The following INPP4B variants were observed in gnomAD, a reference collection of about 807,000 sequenced individuals.
INPP4B encodes inositol polyphosphate-4-phosphatase type II B, also known as inositol polyphosphate 4-phosphatase type II.
A neutral mutation model predicts 122.5 loss-of-function variants in INPP4B; 55 were observed. The ratio of observed to expected loss-of-function variants is 0.45; its 90% CI spans 0.36 to 0.56. INPP4B has a LOEUF of 0.56. Ranked by LOEUF, INPP4B falls within the 20% of genes least tolerant of loss-of-function variation. The pLI is 0.00. For synonymous variants in INPP4B, 403 were observed against 388.7 expected (o/e 1.04, Z -0.43); for missense variants, 1,000 against 1,097.7 (o/e 0.91, Z 1.26).
chr4:142,751,692 TGAAA>T (rs1769743839), intron 1 of INPP4B, among the ~76,000 whole-genome samples: 1 of 152,044 alleles, frequency 6.6e-6, no homozygotes, highest in Non-Finnish European at 1.5e-5. Flanking sequence ...GGAGCTATGA[TGAAA>T]GAGAGTACTA....
chr4:142,804,841 A>AT (rs1400832296), intron 1 of INPP4B, among the ~76,000 whole-genome samples: 1 of 151,944 alleles, frequency 6.6e-6, no homozygotes, highest in African/African-American at 2.4e-5. Context: ...TAATTTCTGT[A>AT]TTTTTTGTAG....
chr4:142,087,710 T>C (rs557274766), intron 23 of INPP4B, among the ~76,000 whole-genome samples: 3 of 152,336 alleles, frequency 2.0e-5, no homozygotes, highest in Admixed American at 6.5e-5. Context: ...AATGAGGCTT[T>C]GTACTTTTTC....
chr4:142,417,920 CTTG>C (rs1001755477), intron 5 of INPP4B, among the ~76,000 whole-genome samples: 64 of 152,092 alleles, frequency 4.2e-4, no homozygotes, highest in African/African-American at 1.5e-3. Flanking sequence ...GTTGTCTGTT[CTTG>C]TTGTTATTTG....
At chr4:142,281,328 ATAGCT>A (rs1331982472) in intron 9 of INPP4B, among the ~76,000 whole-genome samples, 1 of 143,126 alleles carries the variant, frequency 7.0e-6, no homozygotes, top group Admixed American at 6.9e-5. Context: ...GTCTGGATAG[ATAGCT>A]AAGCATTTTT....
intron 25 of INPP4B, among the ~76,000 whole-genome samples, chr4:142,046,675 A>G (rs1751646903): frequency 6.6e-6 from 1 of 152,104 alleles, no homozygotes; most frequent in Admixed American, 6.6e-5. Flanking sequence ...ATTCTAGGTA[A>G]TTTTAAAATT....
At chr4:142,792,385 T>C (rs150015744) in intron 1 of INPP4B, among the ~76,000 whole-genome samples, 17 of 152,228 alleles carry the variant, frequency 1.1e-4, no homozygotes, top group Non-Finnish European at 2.1e-4. Flanking sequence ...AATATTAATA[T>C]GAAACACACA....
At chr4:142,638,275 A>T (rs542256789) in intron 2 of INPP4B, among the ~76,000 whole-genome samples, 23 of 152,224 alleles carry the variant, frequency 1.5e-4, no homozygotes, top group African/African-American at 5.5e-4. Context: ...CACCATACCT[A>T]AGTTCTAGGT....
At chr4:142,373,549 T>C (rs574909237) in intron 7 of INPP4B, among the ~76,000 whole-genome samples, 3 of 151,950 alleles carry the variant, frequency 2.0e-5, no homozygotes, top group Non-Finnish European at 4.4e-5. Context: ...TTGGGAAAGC[T>C]GCTTCACCTC....
chr4:142,220,313 C>T (rs553912313), intron 12 of INPP4B, among the ~76,000 whole-genome samples: 7 of 152,186 alleles, frequency 4.6e-5, no homozygotes, highest in Admixed American at 1.3e-4. Flanking sequence ...TCAACAGAGC[C>T]GGTTGAAATA....
At chr4:142,825,571 G>A (rs1781358155) in intron 1 of INPP4B, among the ~76,000 whole-genome samples, 1 of 152,038 alleles carries the variant, frequency 6.6e-6, no homozygotes, top group South Asian at 2.1e-4. Context: ...TTAAGAGTGG[G>A]CATATAAAGA....
intron 16 of INPP4B, among the ~76,000 whole-genome samples, chr4:142,164,029 T>A (rs1821459674): frequency 6.6e-6 from 1 of 151,902 alleles, no homozygotes; most frequent in South Asian, 2.1e-4. Flanking sequence ...TATTTTATTT[T>A]TTCATATTAG....
At chr4:142,737,564 T>C (rs908282331) in intron 1 of INPP4B, among the ~76,000 whole-genome samples, 10 of 152,196 alleles carry the variant, frequency 6.6e-5, no homozygotes, top group African/African-American at 2.4e-4. Flanking sequence ...AAGGACTTCA[T>C]GTCTAAAACA....
chr4:142,044,756 T>C (rs1420941009), intron 25 of INPP4B, among the ~76,000 whole-genome samples: 1 of 152,140 alleles, frequency 6.6e-6, no homozygotes, highest in African/African-American at 2.4e-5. Flanking sequence ...CATCATCTTT[T>C]TGTCGTTGTT....
intron 15 of INPP4B, among the ~76,000 whole-genome samples, chr4:142,182,388 AAT>A (rs1226568452): frequency 2.6e-5 from 4 of 152,018 alleles, no homozygotes; most frequent in Non-Finnish European, 5.9e-5. Flanking sequence ...CTCTACAAAA[AAT>A]ACAAAAAATT....
intron 5 of INPP4B, among the ~76,000 whole-genome samples, chr4:142,407,657 T>C (rs535468073): frequency 2.3e-3 from 355 of 152,312 alleles, no homozygotes; most frequent in African/African-American, 8.1e-3. Context: ...TGGGCTGCAC[T>C]TTTTTCTTCC....
intron 2 of INPP4B, among the ~76,000 whole-genome samples, chr4:142,548,903 T>C (rs1321137512): frequency 6.6e-6 from 1 of 152,096 alleles, no homozygotes; most frequent in African/African-American, 2.4e-5. Flanking sequence ...AAAGTCACCA[T>C]TGTGAATATT....
chr4:142,240,279 C>T (rs531337575), intron 11 of INPP4B, among the ~76,000 whole-genome samples: 2 of 151,996 alleles, frequency 1.3e-5, no homozygotes, highest in East Asian at 3.9e-4. Flanking sequence ...TGGGCTCAAG[C>T]TATCCGCCCA....
rs115585600 is a variant in INPP4B, at chr4:142,078,535, T to C, written c.2642+3496A>G. ...GGTACTGTTCTAGGTACTGGAAATATAGTAGTGAACAAAGAGAAACGAAAA... is the reference window on the plus strand; with the variant it reads ...GGTACTGTTCTAGGTACTGGAAATACAGTAGTGAACAAAGAGAAACGAAAA... On this transcript the variant is annotated intron_variant, in intron 25 of 25. Coordinates refer to ENST00000262992, the MANE Select transcript of INPP4B (RefSeq NM_001101669.3). Among the ~76,000 whole-genome samples the C allele has an allele frequency of 2.9e-3, 446 of 152,118 alleles. 1 individual carries two copies. The highest frequency in any genetic ancestry group is 0.01 in the African/African-American group (429 of 41,536).
At chr4:142,472,536 C>T (rs937319986) in intron 2 of INPP4B, among the ~76,000 whole-genome samples, 3 of 152,086 alleles carry the variant, frequency 2.0e-5, no homozygotes, top group Non-Finnish European at 4.4e-5. Flanking sequence ...AATATTTTTC[C>T]CCAAATGTAT....
Sources: allele counts gnomAD v4.1 joint callset (sites outside exome capture counted in the v4.1 genomes callset), GRCh38; gene constraint gnomAD v4.1.1; transcripts MANE v1.5; gene names NCBI Gene and HGNC (gene_info 2026-07-23, HGNC 2026-07-21).